CEP170B: variants seen among roughly 807,000 people sequenced by gnomAD.
CEP170B encodes centrosomal protein of 170 kDa protein B.
A neutral mutation model predicts 120.6 loss-of-function variants in CEP170B; 55 were observed. That is an observed-to-expected ratio of 0.46 (90% CI 0.37 to 0.57). CEP170B has a LOEUF of 0.57. CEP170B is among the 20% of genes least tolerant of loss of function. The pLI, the probability that CEP170B is intolerant of heterozygous loss-of-function variation, is 0.00. For synonymous variants in CEP170B, 1,033 were observed against 954.5 expected, an observed-to-expected ratio of 1.08 and a Z score of -1.52; for missense variants, 2,212 against 2,253.3, an observed-to-expected ratio of 0.98 and a Z score of 0.37.
chr14:104,877,010 G>A (rs1190722313), intron 3 of CEP170B, among the ~76,000 whole-genome samples: 3 of 152,192 alleles, frequency 2.0e-5, no homozygotes, highest in Non-Finnish European at 1.5e-5. Flanking sequence ...CTGTCTGGAT[G>A]TCTCTGTCTG....
chr14:104,876,302 A>G lies in CEP170B; in HGVS notation c.152A>G (p.Asp51Gly). 1 of 1,550,900 alleles carries G rather than the reference A, an allele frequency of 6.4e-7. No homozygotes were observed. The highest frequency in any genetic ancestry group is 8.7e-7 in the Non-Finnish European group (1 of 1,146,812). Reference sequence around the variant, plus strand: ...CATGCCGTCATCAACTACGACCAGGACAGGGACGAGCACTGGGTGAAGGAC... The same window carrying G: ...CATGCCGTCATCAACTACGACCAGGGCAGGGACGAGCACTGGGTGAAGGAC... ...KQHAVINYDQ[D>G]RDEHWVKDLG... The change falls in exon 3 of 19, where the codon GAC becomes GGC. Residue 51 changes from aspartate (D) to glycine (G), a missense_variant. By Grantham distance (94) the Asp-to-Gly change is moderately conservative (BLOSUM62 -1). Around this residue, in one of 2 missense-constraint regions of CEP170B, gnomAD observed 46 missense variants for 86.6 expected, o/e 0.53. Coordinates refer to ENST00000414716, the MANE Select transcript of CEP170B (RefSeq NM_001112726.3).
In CEP170B at chr14:104,883,403, G is replaced by T. The variant is rs1036540733; in HGVS notation, c.946G>T (p.Asp316Tyr). Residue 316 changes from aspartate (D) to tyrosine (Y), a missense_variant, in exon 8 of 19, where the codon GAC becomes TAC. Coordinates refer to ENST00000414716, the MANE Select transcript of CEP170B (RefSeq NM_001112726.3). ...EMVSAETKVA[D>Y]WLVQNDPSLL... Reference sequence around the variant, plus strand: ...GGTGTCGGCTGAGACCAAGGTGGCCGACTGGCTGGTGCAGAATGACCCGAG... The same window carrying T: ...GGTGTCGGCTGAGACCAAGGTGGCCTACTGGCTGGTGCAGAATGACCCGAG... 3.1e-6 allele frequency: 5 copies of T among 1,589,830 alleles called. No homozygotes were observed. The highest frequency in any genetic ancestry group is 1.8e-5 in the Admixed American group (1 of 56,232).
At chr14:104,884,897 G>C (rs2841239) in intron 9 of CEP170B, among the ~76,000 whole-genome samples, 1 of 35,948 alleles carries the variant, frequency 2.8e-5, no homozygotes, top group Non-Finnish European at 5.4e-5. Flanking sequence ...CGTGGGGAAC[G>C]GGGGGTGGAG....
At position 104,883,048 on chromosome 14, in the gene CEP170B, A is replaced by C. The variant is rs754410279; in HGVS notation, c.591A>C (p.Gly197=). The change falls in exon 8 of 19, where the codon GGA becomes GGC. Residue 197 remains glycine (G), a synonymous_variant. Transcript: ENST00000414716. ...QGEPYPERPK[G]PVQQDGELHG... ...TTCCCACACCAGAGCGCCCCAAGGGACCAGTGCAGCAGGACGGGGAGCTCC... is the reference window on the plus strand; with the variant it reads ...TTCCCACACCAGAGCGCCCCAAGGGCCCAGTGCAGCAGGACGGGGAGCTCC... 2.0e-6 allele frequency: 3 copies of C among 1,527,214 alleles called. No individual in the cohort carries two copies. Among genetic ancestry groups the C allele is most frequent in the Non-Finnish European group, 2.6e-6 (3 of 1,138,034 alleles). The allele number at this position is 1,527,214 out of a possible 1,614,324, so 94.6% of individuals were successfully genotyped here. A position where few individuals can be genotyped will look rare whatever the true frequency, so the allele number is the denominator to read the frequency against.
In CEP170B at chr14:104,891,148, C is replaced by T. The variant is rs1467279524; in HGVS notation, c.3878+1390C>T. On this transcript the variant is annotated intron_variant, in intron 13 of 18. Transcript: ENST00000414716. The surrounding 1 kb of genome is among the most constrained non-coding windows in gnomAD (Gnocchi z 4.3). ...TTCCCAGGAGGTGAGACCGCCAGTA[C>T]AAGGAGGGCCTCCTCAAAGGTTTTC... Among the ~76,000 whole-genome samples the T allele has an allele frequency of 6.6e-6, 1 of 152,092 alleles. No individual in the cohort carries two copies. The highest frequency in any genetic ancestry group is 1.5e-5 in the Non-Finnish European group (1 of 67,954).
intron 13 of CEP170B, among the ~76,000 whole-genome samples, chr14:104,892,269 CGG>C (rs1896883565): frequency 6.6e-6 from 1 of 152,122 alleles, no homozygotes; most frequent in African/African-American, 2.4e-5. Flanking sequence ...GAGCTGCTCA[CGG>C]GCCCGGCAGG....
chr14:104,884,325 C>T lies in CEP170B; in HGVS notation c.1546C>T (p.Arg516Trp), dbSNP rs1389411731. The T allele has an allele frequency of 3.5e-5, 54 of 1,543,082 alleles. No homozygotes were observed. Among genetic ancestry groups the T allele is most frequent in the East Asian group, 7.4e-5 (3 of 40,812 alleles). Residue 516 changes from arginine (R) to tryptophan (W), a missense_variant, in exon 9 of 19, where the codon CGG (arginine) becomes TGG (tryptophan). Arg to Trp is a moderately radical substitution (Grantham distance 101). Around this residue, in one of 2 missense-constraint regions of CEP170B, gnomAD observed 2,166 missense variants for 2,166.7 expected, o/e 1.00. Transcript: ENST00000414716. ...QCLRESSPAA[R>W]PSPEKVPPVL... is the part of the protein sequence containing the mutation. ...TCTGCGGGAGAGCTCCCCGGCCGCC[C>T]GGCCCAGCCCCGAGAAGGTTCCTCC...
chr14:104,873,329 AG>A (rs1050716860), intron 2 of CEP170B, among the ~76,000 whole-genome samples: 2 of 141,802 alleles, frequency 1.4e-5, no homozygotes, highest in African/African-American at 2.7e-5. Context: ...CAGGCAGGGG[AG>A]GGGGCTTGGA....
Position 104,877,909 on chromosome 14 carries a change from C to T in CEP170B, c.220C>T (p.Pro74Ser), listed in dbSNP as rs1895948847. The change falls in exon 4 of 19, where the codon CCG becomes TCG. Residue 74 changes from proline to serine, a missense_variant. Pro to Ser is a moderately conservative substitution (Grantham distance 74). This residue lies in a region of CEP170B where 2,166 missense variants were observed against 2,166.7 expected (regional missense o/e 1.00). Coordinates refer to ENST00000414716, the MANE Select transcript of CEP170B (RefSeq NM_001112726.3). Reference protein sequence around the residue: ...NGTFVNDMRIPDQKYVTLKLN... With the variant: ...NGTFVNDMRISDQKYVTLKLN... ...GACGTTTGTGAATGACATGCGCATC[C>T]CGGACCAGAAGTACGTCACGCTGAA... 3 of 1,586,004 alleles carry T rather than the reference C, an allele frequency of 1.9e-6. No individual in the cohort carries two copies. Among genetic ancestry groups the T allele is most frequent in the Non-Finnish European group, 2.6e-6 (3 of 1,164,276 alleles).
At position 104,887,123 on chromosome 14, in the gene CEP170B, G is replaced by A. The variant is rs183624540; in HGVS notation, c.2884G>A (p.Val962Ile). 752 of 1,610,624 alleles carry A rather than the reference G, an allele frequency of 4.7e-4. 10 individuals carry two copies. In the East Asian group the frequency reaches 0.011, roughly 24 times the overall value. Residue 962 changes from valine to isoleucine, a missense_variant, in exon 12 of 19, where the codon GTC (valine) becomes ATC (isoleucine). Val to Ile is a conservative substitution (Grantham distance 29). Coordinates refer to ENST00000414716, the MANE Select transcript of CEP170B (RefSeq NM_001112726.3). ...GDSDVDTAST[V>I]SLRSGKSGPS... is the part of the protein sequence containing the mutation. ...CTCGGACGTGGACACAGCCAGCACC[G>A]TCAGCCTGCGTAGTGGCAAGAGCGG...
Position 104,896,217 on chromosome 14 carries a change from C to G in CEP170B, c.*1259C>G. 1 of 238,310 alleles carries G rather than the reference C, an allele frequency of 4.2e-6. No homozygotes were observed. Among genetic ancestry groups the G allele is most frequent in the South Asian group, 5.0e-5 (1 of 20,188 alleles). 14.8% of individuals were successfully genotyped at this position (238,310 alleles called of 1,614,324 possible). A position where few individuals can be genotyped will look rare whatever the true frequency, so the allele number is the denominator to read the frequency against. ...GGGGAGCGGCACTGGGGACTGGAGG[C>G]TGGAAGCGGGTGGTGTGTGTCCCCT... is the stretch of plus-strand genomic sequence containing the variant. On this transcript the variant is annotated 3_prime_UTR_variant, in exon 19 of 19. Coordinates refer to ENST00000414716, the MANE Select transcript of CEP170B (RefSeq NM_001112726.3).
In CEP170B at chr14:104,878,460, C is replaced by T. The variant is rs369953985; in HGVS notation, c.292C>T (p.Leu98=). ...GTGTCCACATTCCAACATGTATGTG[C>T]TGGAGCGTGTGCAGCACCGAGTCCC... ...RFGYDSNMYV[L]ERVQHRVPEE... The change falls in exon 5 of 19, where the codon CTG becomes TTG. Residue 98 remains leucine, a synonymous_variant. Transcript: ENST00000414716. The T allele has an allele frequency of 9.9e-5, 159 of 1,612,570 alleles. 1 individual carries two copies. The African/African-American group carries it at 1.8e-3, about 18-fold the overall frequency.
chr14:104,875,219 G>A (rs1445682902), intron 2 of CEP170B, among the ~76,000 whole-genome samples: 2 of 152,230 alleles, frequency 1.3e-5, no homozygotes, highest in African/African-American at 4.8e-5. Context: ...GCTCCTAGTC[G>A]TGTGGGTTGC....
chr14:104,876,209 C>T (rs1346696563), intron 2 of CEP170B, 47 bp from the exon 3 acceptor site: 4 of 1,539,070 alleles, frequency 2.6e-6, no homozygotes, highest in Non-Finnish European at 3.5e-6. Flanking sequence ...TCTTGGGTGT[C>T]ACCTCCTCCC....
chr14:104,890,752 A>G (rs1212588798), intron 13 of CEP170B, among the ~76,000 whole-genome samples: 1,246 of 21,436 alleles, frequency 0.058, no homozygotes, highest in Non-Finnish European at 0.11. Flanking sequence ...TGAATGGATG[A>G]GTGAGTGGGT....
chr14:104,865,169 C>T (rs1431335190), upstream of CEP170B: 4 of 107,744 alleles, frequency 3.7e-5, no homozygotes, highest in African/African-American at 1.4e-4. The surrounding 1 kb of genome is among the most constrained non-coding windows in gnomAD (Gnocchi z 6.7). Context: ...ACCTGGTTTC[C>T]GGCGGGGCGG....
chr14:104,882,245 C>G (rs2140682400), intron 6 of CEP170B, among the ~76,000 whole-genome samples: 1 of 152,336 alleles, frequency 6.6e-6, no homozygotes, highest in East Asian at 1.9e-4. Flanking sequence ...CAGTGGCTGC[C>G]CACCCCCAGG....
intron 10 of CEP170B, 32 bp from the exon 11 acceptor site, chr14:104,886,008 G>C: frequency 1.3e-6 from 2 of 1,502,802 alleles, no homozygotes; most frequent in African/African-American, 2.8e-5. Context: ...TTGGGCTTGC[G>C]TGTGGAAACA....
chr14:104,892,295 T>C (rs1424844570), intron 13 of CEP170B, among the ~76,000 whole-genome samples: 1 of 152,110 alleles, frequency 6.6e-6, no homozygotes, highest in African/African-American at 2.4e-5. Context: ...CTGTCCTCGC[T>C]GGGAAGTGTC....
Sources: gnomAD v4.1 joint callset for allele counts (sites outside exome capture counted in the v4.1 genomes callset) on GRCh38, gnomAD v4.1.1 for gene constraint, gnomAD v4.1.1 regional missense constraint, Gnocchi (gnomAD v3.1) non-coding constraint, MANE v1.5 for transcripts, NCBI Gene and HGNC (gene_info 2026-07-23, HGNC 2026-07-21) for gene names.